CCL28: variants seen among roughly 807,000 people sequenced by gnomAD.
CCL28 encodes the protein C-C motif chemokine ligand 28.
A neutral mutation model predicts 7.1 loss-of-function variants in CCL28; 4 were observed. That is an observed-to-expected ratio of 0.56 (90% CI 0.28 to 1.29). The LOEUF (loss-of-function observed/expected upper bound fraction) is 1.29, where lower values mean the gene tolerates loss of function less well. Among genes scored for constraint, CCL28 ranks in the 50% most tolerant of loss-of-function variants. The pLI is 0.11. For missense variants in CCL28, 151 were observed against 163.4 expected (o/e 0.92, Z 0.41); for synonymous variants, 55 against 57.8 (o/e 0.95, Z 0.22).
the CCL28 span, among the ~76,000 whole-genome samples, chr5:43,358,213 A>C: frequency 1.3e-5 from 2 of 152,226 alleles, no homozygotes; most frequent in Admixed American, 1.3e-4. Flanking sequence ...AATTACAAAA[A>C]ATTTAGTTGA....
At chr5:43,398,318 G>A (rs1740899759) in intron 1 of CCL28, among the ~76,000 whole-genome samples, 1 of 152,140 alleles carries the variant, frequency 6.6e-6, no homozygotes. Context: ...TCACCTCCTG[G>A]CGTCAAGTGA....
chr5:43,368,692 G>A, the CCL28 span, among the ~76,000 whole-genome samples: 1 of 152,046 alleles, frequency 6.6e-6, no homozygotes, highest in African/African-American at 2.4e-5. Flanking sequence ...GTATGACTGA[G>A]GTCTTCATAT....
At chr5:43,392,646 C>A (rs1352713325) in intron 1 of CCL28, among the ~76,000 whole-genome samples, 1 of 152,188 alleles carries the variant, frequency 6.6e-6, no homozygotes, top group African/African-American at 2.4e-5. Flanking sequence ...ACATCCTCAA[C>A]AACTTTTCAT....
intron 1 of CCL28, among the ~76,000 whole-genome samples, chr5:43,400,939 C>T (rs547458482): frequency 1.1e-4 from 16 of 151,892 alleles, no homozygotes; most frequent in South Asian, 6.2e-4. Flanking sequence ...AAAAATTAAC[C>T]GGGCGTGGTG....
the CCL28 span, among the ~76,000 whole-genome samples, chr5:43,364,530 G>A: frequency 6.6e-6 from 1 of 152,028 alleles, no homozygotes; most frequent in Non-Finnish European, 1.5e-5. Context: ...TTTGTACAAA[G>A]ATAATAGATT....
chr5:43,387,664 C>T (rs571896006), intron 2 of CCL28, among the ~76,000 whole-genome samples: 1 of 152,308 alleles, frequency 6.6e-6, no homozygotes, highest in Admixed American at 6.5e-5. Context: ...GGATTTAACT[C>T]TGTCACCCAG....
chr5:43,409,125 T>G (rs1027919764), intron 1 of CCL28, among the ~76,000 whole-genome samples: 4 of 152,098 alleles, frequency 2.6e-5, no homozygotes, highest in Non-Finnish European at 5.9e-5. Flanking sequence ...AAGAAAAATT[T>G]TTTTAATTAG....
chr5:43,384,451 A>G (rs373776342), intron 2 of CCL28, among the ~76,000 whole-genome samples: 2 of 152,236 alleles, frequency 1.3e-5, no homozygotes, highest in Non-Finnish European at 2.9e-5. Flanking sequence ...TTAAATCTCT[A>G]CTTGGATCCC....
At chr5:43,366,339 TG>T in the CCL28 span, among the ~76,000 whole-genome samples, 7 of 152,228 alleles carry the variant, frequency 4.6e-5, no homozygotes, top group South Asian at 8.3e-4. Flanking sequence ...TGACCTTTGA[TG>T]GGGTTTCTGT....
At chr5:43,390,319 G>A (rs763658736) in intron 1 of CCL28, among the ~76,000 whole-genome samples, 1 of 152,196 alleles carries the variant, frequency 6.6e-6, no homozygotes, top group African/African-American at 2.4e-5. Context: ...TTCCCCTGAA[G>A]AGAAATATGT....
intron 1 of CCL28, among the ~76,000 whole-genome samples, chr5:43,390,907 G>T (rs1219719084): frequency 2.6e-5 from 4 of 152,204 alleles, no homozygotes. Flanking sequence ...CAGAGTATAG[G>T]AGTTCCATGG....
At chr5:43,393,454 A>C (rs986587109) in intron 1 of CCL28, among the ~76,000 whole-genome samples, 4 of 151,892 alleles carry the variant, frequency 2.6e-5, no homozygotes, top group African/African-American at 9.7e-5. Context: ...TCCTGGGTTC[A>C]AGCGATTCTC....
At chr5:43,357,223 T>A in the CCL28 span, among the ~76,000 whole-genome samples, 1 of 152,178 alleles carries the variant, frequency 6.6e-6, no homozygotes, top group Non-Finnish European at 1.5e-5. Flanking sequence ...CTCCTTTGCA[T>A]CACATCTGCT....
chr5:43,367,576 A>C, the CCL28 span, among the ~76,000 whole-genome samples: 2 of 152,022 alleles, frequency 1.3e-5, no homozygotes, highest in Non-Finnish European at 2.9e-5. Flanking sequence ...CTATCTAACC[A>C]GTCCCAGTGA....
At chr5:43,396,429 A>G (rs1351032600) in intron 1 of CCL28, among the ~76,000 whole-genome samples, 1 of 152,052 alleles carries the variant, frequency 6.6e-6, no homozygotes, top group Non-Finnish European at 1.5e-5. Context: ...TTTCAGCCTC[A>G]TTTTACCTAG....
chr5:43,367,370 C>T, the CCL28 span, among the ~76,000 whole-genome samples: 1 of 152,166 alleles, frequency 6.6e-6, no homozygotes, highest in African/African-American at 2.4e-5. Context: ...ACATAAGCAC[C>T]CAAGGGAATC....
intron 1 of CCL28, among the ~76,000 whole-genome samples, chr5:43,389,820 C>A (rs749393656): frequency 6.6e-6 from 1 of 152,094 alleles, no homozygotes; most frequent in South Asian, 2.1e-4. Flanking sequence ...CTAGTGCCCT[C>A]CAGAGGAAGC....
chr5:43,397,919 T>A (rs1355715146), intron 1 of CCL28, among the ~76,000 whole-genome samples: 1 of 152,238 alleles, frequency 6.6e-6, no homozygotes, highest in Non-Finnish European at 1.5e-5. Flanking sequence ...GTTGGAAAGG[T>A]ATTTTCTGTA....
At chr5:43,375,280 C>T (rs548388669), downstream of CCL28, among the ~76,000 whole-genome samples, 94 of 149,360 alleles carry the variant, frequency 6.3e-4, no homozygotes, top group African/African-American at 2.0e-3. Context: ...TGAGCCACTG[C>T]GCCCAACCAA....
Sources: gnomAD v4.1 joint callset for allele counts (sites outside exome capture counted in the v4.1 genomes callset) on GRCh38, gnomAD v4.1.1 for gene constraint, MANE v1.5 for transcripts, NCBI Gene and HGNC (gene_info 2026-07-23, HGNC 2026-07-21) for gene names.